SYNPO2: variants seen among roughly 807,000 people sequenced by gnomAD.
SYNPO2 encodes the protein synaptopodin-2.
A neutral mutation model predicts 85.0 loss-of-function variants in SYNPO2; 56 were observed. The ratio of observed to expected loss-of-function variants is 0.66; its 90% CI spans 0.53 to 0.82. SYNPO2 has a LOEUF of 0.82. Ranked by LOEUF, SYNPO2 falls within the 40% of genes least tolerant of loss-of-function variation. The pLI, the probability that SYNPO2 is intolerant of heterozygous loss-of-function variation, is 0.00. For missense variants in SYNPO2, 1,575 were observed against 1,534.2 expected (o/e 1.03, Z -0.44); for synonymous variants, 602 against 591.1 (o/e 1.02, Z -0.27).
intron 1 of SYNPO2, among the ~76,000 whole-genome samples, chr4:118,860,672 C>T (rs1455933739): frequency 6.6e-6 from 1 of 150,846 alleles, no homozygotes; most frequent in African/African-American, 2.4e-5. Flanking sequence ...CCCCCTGCTT[C>T]AGCCACCCTA....
intron 1 of SYNPO2, among the ~76,000 whole-genome samples, chr4:118,967,465 G>A (rs548303337): frequency 6.6e-6 from 1 of 152,324 alleles, no homozygotes; most frequent in South Asian, 2.1e-4. Context: ...AGCAGGTTGT[G>A]CTCAGAGCCT....
intron 1 of SYNPO2, among the ~76,000 whole-genome samples, chr4:118,954,786 T>C (rs1213878581): frequency 6.6e-6 from 1 of 152,106 alleles, no homozygotes; most frequent in Non-Finnish European, 1.5e-5. Flanking sequence ...ATAGCTGGCT[T>C]TTACAAAGTA....
chr4:118,973,008 A>G lies in SYNPO2; in HGVS notation c.106-50422A>G, dbSNP rs552074484. Among the ~76,000 whole-genome samples, 36 of 152,310 alleles carry G rather than the reference A, an allele frequency of 2.4e-4. 1 individual carries two copies. The highest frequency in any genetic ancestry group is 1.9e-3 in the Admixed American group (29 of 15,294). On this transcript the variant is annotated intron_variant, in intron 1 of 4. Coordinates refer to ENST00000307142, the MANE Select transcript of SYNPO2 (RefSeq NM_133477.3). ...TTATAACTCAACTTATGATGTTTCAACTTTACAATGGGCTTATACATGCAT... is the reference window on the plus strand; with the variant it reads ...TTATAACTCAACTTATGATGTTTCAGCTTTACAATGGGCTTATACATGCAT...
Position 119,030,555 on chromosome 4 carries a change from G to T in SYNPO2, c.1780G>T (p.Gly594Trp), listed in dbSNP as rs1022435691. 11 of 1,614,116 alleles carry T rather than the reference G, an allele frequency of 6.8e-6. No homozygotes were observed. The highest frequency in any genetic ancestry group is 9.3e-6 in the Non-Finnish European group (11 of 1,180,020). Reference sequence around the variant, plus strand: ...GAATAGAACGGCCAAACCCTTCCCAGGGTCTGTGAATCAGCCAGCTACCCC... The same window carrying T: ...GAATAGAACGGCCAAACCCTTCCCATGGTCTGTGAATCAGCCAGCTACCCC... ...PMNRTAKPFPGSVNQPATPFS... is the reference protein window; with the variant it reads ...PMNRTAKPFPWSVNQPATPFS... The change falls in exon 4 of 5, where the codon GGG (glycine) becomes TGG (tryptophan). Residue 594 changes from glycine (G) to tryptophan (W), a missense_variant. By Grantham distance (184) the Gly-to-Trp change is radical (BLOSUM62 -2). Around this residue, in one of 3 missense-constraint regions of SYNPO2, gnomAD observed 1,508 missense variants for 1,446.8 expected, o/e 1.04. Transcript: ENST00000307142.
At chr4:118,908,311 C>A (rs2149122576) in intron 1 of SYNPO2, among the ~76,000 whole-genome samples, 1 of 152,172 alleles carries the variant, frequency 6.6e-6, no homozygotes, top group South Asian at 2.1e-4. Context: ...GTACTTGTTA[C>A]TCATTATATT....
At position 119,030,456 on chromosome 4, in the gene SYNPO2, C is replaced by G; in HGVS notation, c.1681C>G (p.Leu561Val). 6.2e-7 allele frequency: 1 copy of G among 1,614,190 alleles called. No individual in the cohort carries two copies. Among genetic ancestry groups the G allele is most frequent in the Non-Finnish European group, 8.5e-7 (1 of 1,180,032 alleles). ...AAGCTACATCGAGGTGAGTCATGGT[C>G]TTGGCCATGTTCCCCAACAGAATGG... ...SKSYIEVSHG[L>V]GHVPQQNGFS... Residue 561 changes from leucine (L) to valine (V), a missense_variant, in exon 4 of 5, where the codon CTT (leucine) becomes GTT (valine). Coordinates refer to ENST00000307142, the MANE Select transcript of SYNPO2 (RefSeq NM_133477.3).
intron 1 of SYNPO2, among the ~76,000 whole-genome samples, chr4:118,903,033 A>G (rs1732810311): frequency 6.6e-6 from 1 of 152,214 alleles, no homozygotes; most frequent in Non-Finnish European, 1.5e-5. Context: ...GTGTAACTTT[A>G]AAGACATTTT....
chr4:118,888,891 GGCAGCGGCTGCA>G lies in SYNPO2; in HGVS notation c.-137_-126del, dbSNP rs898936440. On this transcript the variant is annotated 5_prime_UTR_variant, in exon 1 of 5. Transcript: ENST00000307142. ...AGCAGGCGGCTGGGGCGGCGGCTGG[GGCAGCGGCTGCA>G]GCAGCGGCGGACGCTCTGCATTACC... is the stretch of plus-strand genomic sequence containing the variant. The G allele has an allele frequency of 2.6e-5, 21 of 804,114 alleles. No individual in the cohort carries two copies. The African/African-American group carries it at 3.5e-4, about 13-fold the overall frequency. 49.8% of individuals were successfully genotyped at this position (804,114 alleles called of 1,614,324 possible). A position where few individuals can be genotyped will look rare whatever the true frequency, so the allele number is the denominator to read the frequency against.
At chr4:118,936,640 T>C (rs1734113787) in intron 1 of SYNPO2, among the ~76,000 whole-genome samples, 1 of 152,130 alleles carries the variant, frequency 6.6e-6, no homozygotes, top group Non-Finnish European at 1.5e-5. Context: ...AAACAGATGG[T>C]CCCACAGCTG....
chr4:118,911,972 C>T (rs898241411), intron 1 of SYNPO2, among the ~76,000 whole-genome samples: 8 of 152,024 alleles, frequency 5.3e-5, no homozygotes, highest in African/African-American at 1.9e-4. Flanking sequence ...TAAAGAATGC[C>T]AATGAGTGAA....
rs1354911575 is a variant in SYNPO2 at position 118,852,680 on chromosome 4, A to G, written c.12+1740A>G. On this transcript the variant is annotated intron_variant, in intron 1 of 4. Transcript: ENST00000610556. ...GGAGCTAAATGATGAGAACACATGG[A>G]CACATAGAGGGGAACAACACACACT... Among the ~76,000 whole-genome samples, 3 of 152,168 alleles carry G rather than the reference A, an allele frequency of 2.0e-5. No individual in the cohort carries two copies. The East Asian group carries it at 5.8e-4, about 29-fold the overall frequency.
At position 119,043,499 on chromosome 4, in the gene SYNPO2, CT is replaced by C. The variant is rs1194653385; in HGVS notation, c.3252+11475del. 8 of 152,174 alleles carry C rather than the reference CT, an allele frequency of 5.3e-5. No homozygotes were observed. The South Asian group carries it at 1.5e-3, about 28-fold the overall frequency. The allele number at this position is 152,174 out of a possible 1,614,324, so 9.4% of individuals were successfully genotyped here. On this transcript the variant is annotated intron_variant, in intron 4 of 4. Coordinates refer to ENST00000307142, the MANE Select transcript of SYNPO2 (RefSeq NM_133477.3). The stretch of plus-strand genomic sequence containing the variant: ...AACATCAAATCAAAATGAAGGCAAA[CT>C]TTGGGATGGGGAGAAGTCAGGAGAA...
intron 1 of SYNPO2, among the ~76,000 whole-genome samples, chr4:118,902,752 T>C (rs1732801573): frequency 6.6e-6 from 1 of 152,178 alleles, no homozygotes; most frequent in Admixed American, 6.5e-5. Context: ...GAAGAGGAAT[T>C]TAAGGAGTGT....
chr4:119,033,633 T>C, intron 4 of SYNPO2: 1 of 985,454 alleles, frequency 1.0e-6, no homozygotes, highest in Non-Finnish European at 1.2e-6. Context: ...CAGTACCATT[T>C]TAATCTTCTG....
chr4:118,875,846 AT>A (rs1351683196), intron 1 of SYNPO2, among the ~76,000 whole-genome samples: 2 of 152,356 alleles, frequency 1.3e-5, no homozygotes, highest in African/African-American at 4.8e-5. Context: ...TGATAGAAGT[AT>A]GACTGGAAGC....
intron 1 of SYNPO2, among the ~76,000 whole-genome samples, chr4:118,908,522 A>G (rs944646202): frequency 6.6e-6 from 1 of 152,216 alleles, no homozygotes; most frequent in Non-Finnish European, 1.5e-5. Flanking sequence ...AGGATAAAAA[A>G]CATTCGTAAG....
chr4:118,941,530 G>T (rs559526194), intron 1 of SYNPO2, among the ~76,000 whole-genome samples: 2 of 152,258 alleles, frequency 1.3e-5, no homozygotes, highest in Non-Finnish European at 2.9e-5. Flanking sequence ...ACTGCAACTT[G>T]CCTATACCAG....
chr4:118,925,793 G>A (rs1342734943), intron 1 of SYNPO2, among the ~76,000 whole-genome samples: 1 of 152,068 alleles, frequency 6.6e-6, no homozygotes, highest in East Asian at 1.9e-4. Flanking sequence ...AAACTTATGG[G>A]TGGGGTGTGT....
intron 2 of SYNPO2, among the ~76,000 whole-genome samples, chr4:119,025,414 G>A (rs1737897608): frequency 6.6e-6 from 1 of 152,102 alleles, no homozygotes; most frequent in East Asian, 1.9e-4. Context: ...CTGTATTACA[G>A]GGAAGCTTTT....
Sources: allele counts gnomAD v4.1 joint callset (sites outside exome capture counted in the v4.1 genomes callset), GRCh38; gene constraint gnomAD v4.1.1; regional missense constraint gnomAD v4.1.1; transcripts MANE v1.5; gene names NCBI Gene and HGNC (gene_info 2026-07-23, HGNC 2026-07-21).